KHDRBS1: variants seen among roughly 807,000 people sequenced by gnomAD.
KHDRBS1 encodes KH domain-containing, RNA-binding, signal transduction-associated protein 1.
KHDRBS1 carries 7 observed loss-of-function variants against 48.4 expected under a neutral mutation model. The ratio of observed to expected loss-of-function variants is 0.14; its 90% CI spans 0.08 to 0.27. The LOEUF is 0.27. KHDRBS1 is among the 10% of genes least tolerant of loss of function. The pLI is 1.00. For missense variants in KHDRBS1, 458 were observed against 601.2 expected, an observed-to-expected ratio of 0.76 and a Z score of 2.49; for synonymous variants, 241 against 235.8, an observed-to-expected ratio of 1.02 and a Z score of -0.20.
intron 10 of KHDRBS1, among the ~76,000 whole-genome samples, chr1:32,057,307 G>T (rs933305906): frequency 1.3e-5 from 2 of 152,118 alleles, no homozygotes; most frequent in African/African-American, 2.4e-5. Context: ...AGCCTCCCAA[G>T]TAACTGGGAC....
intron 4 of KHDRBS1, 92 bp from the exon 5 acceptor site, chr1:32,036,818 T>G: frequency 7.2e-7 from 1 of 1,384,872 alleles, no homozygotes. Flanking sequence ...TCTCAAGAGC[T>G]CTTCTTAGAA....
rs763638734 is a variant in KHDRBS1, at chr1:32,020,515, G to C, written c.382+6138G>C. Reference sequence around the variant, plus strand: ...AAAACTCAACACAAAACCTGTACATGAATGTTCACAGCAGCTTTATTCATA... The same window carrying C: ...AAAACTCAACACAAAACCTGTACATCAATGTTCACAGCAGCTTTATTCATA... On this transcript the variant is annotated intron_variant, in intron 1 of 8. Transcript: ENST00000327300. Among the ~76,000 whole-genome samples, 17 of 151,066 alleles carry C rather than the reference G, an allele frequency of 1.1e-4. No individual in the cohort carries two copies. In the South Asian group the frequency reaches 1.5e-3, roughly 13 times the overall value.
chr1:32,032,549 TGAATAGACTA>T (rs1232332280), intron 3 of KHDRBS1, among the ~76,000 whole-genome samples: 1 of 150,606 alleles, frequency 6.6e-6, no homozygotes, highest in East Asian at 1.9e-4. Flanking sequence ...AGCTATTATC[TGAATAGACTA>T]GAATTAAGTT....
At chr1:32,047,215 G>A (rs892581599), downstream of KHDRBS1, among the ~76,000 whole-genome samples, 8 of 152,190 alleles carry the variant, frequency 5.3e-5, no homozygotes, top group Non-Finnish European at 1.0e-4. Flanking sequence ...CTGGAGTGCA[G>A]TGGTGTGATT....
At chr1:32,040,023 T>TGAAAAG (rs1381807897) in intron 8 of KHDRBS1, among the ~76,000 whole-genome samples, 1 of 151,972 alleles carries the variant, frequency 6.6e-6, no homozygotes, top group Non-Finnish European at 1.5e-5. Flanking sequence ...AAAAAAAATT[T>TGAAAAG]AGATCTCATT....
intron 1 of KHDRBS1, among the ~76,000 whole-genome samples, chr1:32,021,196 A>G (rs1638851430): frequency 6.6e-6 from 1 of 152,170 alleles, no homozygotes; most frequent in Non-Finnish European, 1.5e-5. Flanking sequence ...CATAGTCAAT[A>G]TGACAGAGTT....
intron 1 of KHDRBS1, among the ~76,000 whole-genome samples, chr1:32,017,671 G>A (rs1026237056): frequency 1.5e-5 from 2 of 137,340 alleles, no homozygotes; most frequent in Non-Finnish European, 3.0e-5. Flanking sequence ...GCAATGGCGC[G>A]ATCTTGGCTC....
At chr1:32,035,243 C>T (rs116309442) in intron 4 of KHDRBS1, among the ~76,000 whole-genome samples, 22 of 151,948 alleles carry the variant, frequency 1.4e-4, no homozygotes, top group South Asian at 4.2e-4. Flanking sequence ...AGATGCTTGC[C>T]GGGGAGATGT....
At position 32,019,111 on chromosome 1, in the gene KHDRBS1, AC is replaced by A. The variant is rs1256551548; in HGVS notation, c.382+4735del. ...AGACTCTGTCTTAAAAAACAAACAA[AC>A]AAACAAAAAACCAGCAACACCTTTT... On this transcript the variant is annotated intron_variant, in intron 1 of 8. Coordinates refer to ENST00000327300, the MANE Select transcript of KHDRBS1 (RefSeq NM_006559.3). Among the ~76,000 whole-genome samples the A allele has an allele frequency of 2.6e-5, 4 of 151,512 alleles. No homozygotes were observed. The East Asian group carries it at 5.8e-4, about 22-fold the overall frequency.
chr1:32,028,472 A>G (rs1039086193), intron 1 of KHDRBS1, among the ~76,000 whole-genome samples: 4 of 146,416 alleles, frequency 2.7e-5, no homozygotes, highest in Non-Finnish European at 4.5e-5. Flanking sequence ...GTATATATAT[A>G]TACACGTATA....
At chr1:32,023,420 A>G (rs1638900239) in intron 1 of KHDRBS1, among the ~76,000 whole-genome samples, 4 of 152,210 alleles carry the variant, frequency 2.6e-5, no homozygotes. Context: ...TACTGGTTAC[A>G]AAGACAAAGT....
intron 4 of KHDRBS1, among the ~76,000 whole-genome samples, chr1:32,036,178 T>C (rs1358616866): frequency 7.1e-6 from 1 of 141,624 alleles, no homozygotes. Context: ...TTTTTTTTTT[T>C]TTTTTTTTTT....
intron 7 of KHDRBS1, 35 bp downstream of exon 7, chr1:32,038,654 T>A: frequency 6.3e-7 from 1 of 1,587,784 alleles, no homozygotes; most frequent in Non-Finnish European, 8.6e-7. Flanking sequence ...TTTTTTGTCC[T>A]GAGGATGGAT....
At chr1:32,026,405 G>C (rs1158968649) in intron 1 of KHDRBS1, among the ~76,000 whole-genome samples, 7 of 152,172 alleles carry the variant, frequency 4.6e-5, no homozygotes, top group African/African-American at 1.7e-4. Context: ...TGATCCTTCT[G>C]CCTCAGCTTC....
Position 32,014,143 on chromosome 1 carries a change from G to A in KHDRBS1, c.148G>A (p.Gly50Arg), listed in dbSNP as rs1222718899. 1.5e-6 allele frequency: 2 copies of A among 1,314,544 alleles called. No individual in the cohort carries two copies. The highest frequency in any genetic ancestry group is 1.9e-6 in the Non-Finnish European group (2 of 1,033,724). 81.4% of individuals were successfully genotyped at this position (1,314,544 alleles called of 1,614,324 possible). A position where few individuals can be genotyped will look rare whatever the true frequency, so the allele number is the denominator to read the frequency against. Residue 50 changes from glycine to arginine, a missense_variant, in exon 1 of 9, where the codon GGA (glycine) becomes AGA (arginine). Coordinates refer to ENST00000327300, the MANE Select transcript of KHDRBS1 (RefSeq NM_006559.3). ...TCACCGGTCCCGGGGAGGCGGAGGGGGATCCCGCGGGGGCGCCCGGGCCTC... is the reference window on the plus strand; with the variant it reads ...TCACCGGTCCCGGGGAGGCGGAGGGAGATCCCGCGGGGGCGCCCGGGCCTC... The part of the protein sequence containing the change: ...LPHRSRGGGG[G>R]SRGGARASPA...
intron 6 of KHDRBS1, 127 bp downstream of exon 6, chr1:32,038,163 TCTC>T (rs1639220761): frequency 7.1e-7 from 1 of 1,402,158 alleles, no homozygotes; most frequent in Non-Finnish European, 9.6e-7. Context: ...TCTGCCCTCT[TCTC>T]TTGCAGTGAA....
rs1639062139 is a variant in KHDRBS1 at position 32,030,572 on chromosome 1, G to C, written c.507+150G>C. On this transcript the variant is annotated intron_variant, in intron 2 of 8. Coordinates refer to ENST00000327300, the MANE Select transcript of KHDRBS1 (RefSeq NM_006559.3). Reference sequence around the variant, plus strand: ...ATGCTTGTAGTACCTGTTACTGAGAGTTGAAATATCTAAGTTCTTAACTAA... The same window carrying C: ...ATGCTTGTAGTACCTGTTACTGAGACTTGAAATATCTAAGTTCTTAACTAA... The C allele has an allele frequency of 1.0e-5, 5 of 483,884 alleles. No individual in the cohort carries two copies. The East Asian group carries it at 1.8e-4, about 18-fold the overall frequency. 30.0% of individuals were successfully genotyped at this position (483,884 alleles called of 1,614,324 possible). A position where few individuals can be genotyped will look rare whatever the true frequency, so the allele number is the denominator to read the frequency against.
intron 1 of KHDRBS1, among the ~76,000 whole-genome samples, chr1:32,022,317 C>T (rs560579366): frequency 1.9e-3 from 286 of 152,116 alleles, no homozygotes; most frequent in African/African-American, 6.3e-3. Flanking sequence ...TCTTTTAATT[C>T]GGTTAATGAT....
chr1:32,047,193 C>G (rs142647993), downstream of KHDRBS1, among the ~76,000 whole-genome samples: 861 of 152,298 alleles, frequency 5.7e-3, 9 homozygotes, highest in African/African-American at 0.02. Context: ...GAGTCTCACT[C>G]TGTTGCCCAG....
Sources: allele counts gnomAD v4.1 joint callset (sites outside exome capture counted in the v4.1 genomes callset), GRCh38; gene constraint gnomAD v4.1.1; transcripts MANE v1.5; gene names NCBI Gene and HGNC (gene_info 2026-07-23, HGNC 2026-07-21).